The following INO80C variants were observed in gnomAD, a reference collection of about 807,000 sequenced individuals.
INO80C encodes INO80 complex subunit C, also known as IES6 homolog.
A neutral mutation model predicts 17.7 loss-of-function variants in INO80C; 17 were observed. That is an observed-to-expected ratio of 0.96 (90% CI 0.66 to 1.44). INO80C has a LOEUF of 1.44. INO80C is among the 40% of genes most tolerant of loss of function. The probability of loss-of-function intolerance (pLI) is 0.00; values close to 1 mark genes in which losing one functional copy is unlikely to be tolerated. For missense variants in INO80C, 244 were observed against 245.0 expected (o/e 1.00, Z 0.03); for synonymous variants, 96 against 95.8 (o/e 1.00, Z -0.01).
At position 35,478,286 on chromosome 18, in the gene INO80C, A is replaced by C; in HGVS notation, c.443T>G (p.Leu148Arg). 13 of 1,601,202 alleles carry C rather than the reference A, an allele frequency of 8.1e-6. No homozygotes were observed. The highest frequency in any genetic ancestry group is 1.1e-5 in the Non-Finnish European group (13 of 1,169,638). Residue 148 changes from leucine to arginine, a missense_variant, in exon 4 of 5, where the codon CTG (leucine) becomes CGG (arginine). Coordinates refer to ENST00000334598, the MANE Select transcript of INO80C (RefSeq NM_194281.4). ...PAKKYSDVSGLLANYTDPQSK... is the reference protein window; with the variant it reads ...PAKKYSDVSGRLANYTDPQSK... ...AAGAGATATAATCATACTCACAAGC[A>C]GACCTGAAACATCAGAATACTTCTT...
intron 1 of INO80C, among the ~76,000 whole-genome samples, chr18:35,495,747 A>G (rs1885772837): frequency 6.6e-6 from 1 of 152,324 alleles, no homozygotes. Context: ...GCTGGGAGCA[A>G]TTACTCACAA....
intron 4 of INO80C, among the ~76,000 whole-genome samples, chr18:35,477,376 C>T (rs548694434): frequency 1.3e-5 from 2 of 152,302 alleles, no homozygotes; most frequent in South Asian, 2.1e-4. Context: ...AGGGATATTA[C>T]ATAATAATAA....
chr18:35,469,821 G>A (rs1465136104), intron 4 of INO80C, among the ~76,000 whole-genome samples: 1 of 152,192 alleles, frequency 6.6e-6, no homozygotes, highest in Non-Finnish European at 1.5e-5. Context: ...AGGGCCTCCA[G>A]TCAGGGTTTG....
intron 1 of INO80C, among the ~76,000 whole-genome samples, chr18:35,488,016 T>C (rs1271214868): frequency 6.6e-6 from 1 of 152,192 alleles, no homozygotes; most frequent in Non-Finnish European, 1.5e-5. Context: ...ATGTCTCACA[T>C]CCAAGTCACA....
intron 2 of INO80C, 123 bp from the exon 3 acceptor site, chr18:35,479,534 CCT>C (rs1192806924): frequency 2.5e-5 from 16 of 631,594 alleles, no homozygotes; most frequent in Non-Finnish European, 4.2e-5. Flanking sequence ...CATTAAGACC[CCT>C]GAGACTTTTT....
At chr18:35,486,547 A>C (rs921467958) in intron 1 of INO80C, among the ~76,000 whole-genome samples, 1 of 152,236 alleles carries the variant, frequency 6.6e-6, no homozygotes, top group African/African-American at 2.4e-5. Flanking sequence ...ACTACAGATA[A>C]ACTTATAAAA....
At chr18:35,496,870 T>G (rs2144099693) in intron 1 of INO80C, 1 of 152,330 alleles carries the variant, frequency 6.6e-6, no homozygotes, top group East Asian at 1.9e-4. Flanking sequence ...CATTGTACTC[T>G]GTGTAAATCT....
intron 1 of INO80C, among the ~76,000 whole-genome samples, chr18:35,490,329 G>A (rs184940392): frequency 6.6e-6 from 1 of 152,274 alleles, no homozygotes; most frequent in East Asian, 1.9e-4. Flanking sequence ...CTGGGCCTAC[G>A]AGTGGCCTAA....
chr18:35,489,692 T>A (rs1236386159), intron 1 of INO80C, among the ~76,000 whole-genome samples: 1 of 152,198 alleles, frequency 6.6e-6, no homozygotes, highest in African/African-American at 2.4e-5. Context: ...CAACGTGTGA[T>A]CCTGGATTGG....
intron 1 of INO80C, among the ~76,000 whole-genome samples, chr18:35,482,443 A>G (rs1330687601): frequency 6.6e-6 from 1 of 152,132 alleles, no homozygotes. Flanking sequence ...TGGAGAAGAC[A>G]AGAACCACTC....
chr18:35,491,996 C>T lies in INO80C; in HGVS notation c.156+5723G>A, dbSNP rs550915213. Among the ~76,000 whole-genome samples the T allele has an allele frequency of 2.0e-5, 3 of 152,218 alleles. No homozygotes were observed. The East Asian group carries it at 5.8e-4, about 29-fold the overall frequency. ...TTCACAAGGCCTGGGTCTCGCCCTG[C>T]TCTGCTCTGCCCAACTGAAGAACCC... On this transcript the variant is annotated intron_variant, in intron 1 of 4. Coordinates refer to ENST00000334598, the MANE Select transcript of INO80C (RefSeq NM_194281.4).
In INO80C at chr18:35,492,061, A is replaced by C. The variant is rs750423800; in HGVS notation, c.156+5658T>G. Among the ~76,000 whole-genome samples the C allele has an allele frequency of 5.3e-5, 8 of 152,228 alleles. No individual in the cohort carries two copies. The South Asian group carries it at 6.2e-4, about 12-fold the overall frequency. ...ATCTCTCCAGACAGTAGTGTGCTTG[A>C]CTCTGAATCAGACTAAAGGATAATT... On this transcript the variant is annotated intron_variant, in intron 1 of 4. Transcript: ENST00000334598.
At position 35,497,853 on chromosome 18, in the gene INO80C, C is replaced by T. The variant is rs781522792; in HGVS notation, c.22G>A (p.Val8Met). 2 of 1,581,744 alleles carry T rather than the reference C, an allele frequency of 1.3e-6. No individual in the cohort carries two copies. Among genetic ancestry groups the T allele is most frequent in the South Asian group, 1.1e-5 (1 of 89,248 alleles). ...ATTCCGGGAGTGGAAGTGGTGGCCA[C>T]AATTGGAATTTGCGCCGCCATCGCA... MAAQIPIVATTSTPGIVR... is the reference protein window; with the variant it reads MAAQIPIMATTSTPGIVR... The change falls in exon 1 of 5, where the codon GTG (valine) becomes ATG (methionine). Residue 8 changes from valine to methionine, a missense_variant. Transcript: ENST00000334598.
At chr18:35,479,501 T>C (rs1436720076) in intron 2 of INO80C, 90 bp from the exon 3 acceptor site, 2 of 755,104 alleles carry the variant, frequency 2.6e-6, no homozygotes, top group Admixed American at 2.2e-5. Flanking sequence ...ATAACTGTAA[T>C]ATACCTCTCA....
chr18:35,492,728 A>G (rs1034386881), intron 1 of INO80C, among the ~76,000 whole-genome samples: 6 of 152,262 alleles, frequency 3.9e-5, no homozygotes, highest in Admixed American at 3.9e-4. Flanking sequence ...AGATTCTCTC[A>G]TTATCTGCCC....
intron 1 of INO80C, among the ~76,000 whole-genome samples, chr18:35,481,314 T>G (rs1402302931): frequency 6.6e-6 from 1 of 152,234 alleles, no homozygotes; most frequent in Admixed American, 6.5e-5. Flanking sequence ...TTCTGATCTG[T>G]AATACAATTT....
At chr18:35,482,674 A>G (rs1023721190) in intron 1 of INO80C, among the ~76,000 whole-genome samples, 3 of 152,168 alleles carry the variant, frequency 2.0e-5, no homozygotes, top group African/African-American at 4.8e-5. Flanking sequence ...GTCAACTTTA[A>G]GAACTGAGAG....
At chr18:35,473,934 A>G (rs2045700305) in intron 4 of INO80C, among the ~76,000 whole-genome samples, 1 of 152,076 alleles carries the variant, frequency 6.6e-6, no homozygotes, top group Non-Finnish European at 1.5e-5. Context: ...ACCACAGGAA[A>G]AAAATACTCT....
chr18:35,480,934 G>A lies in INO80C; in HGVS notation c.157-371C>T, dbSNP rs138242875. Among the ~76,000 whole-genome samples the A allele has an allele frequency of 4.7e-3, 717 of 152,348 alleles. 2 individuals carry two copies. Among genetic ancestry groups the A allele is most frequent in the Non-Finnish European group, 7.9e-3 (537 of 68,036 alleles). ...TGAGGCCCAGGGGAACAGGTTCAAG[G>A]TCACATAGTGATTGAGTTTTGGATT... On this transcript the variant is annotated intron_variant, in intron 1 of 4. Transcript: ENST00000334598.
Sources: gnomAD v4.1 joint callset for allele counts (sites outside exome capture counted in the v4.1 genomes callset) on GRCh38, gnomAD v4.1.1 for gene constraint, MANE v1.5 for transcripts, NCBI Gene and HGNC (gene_info 2026-07-23, HGNC 2026-07-21) for gene names.